MCOLN1: variants seen among roughly 807,000 people sequenced by gnomAD.
MCOLN1 encodes the protein mucolipin TRP cation channel 1, also known as mucolipin-1.
Under a neutral mutation model 70.3 loss-of-function variants are expected in MCOLN1, and 50 were observed. The ratio of observed to expected loss-of-function variants is 0.71; its 90% confidence interval spans 0.57 to 0.90. The LOEUF (loss-of-function observed/expected upper bound fraction) is 0.90, where lower values mean the gene tolerates loss of function less well. MCOLN1 is among the 40% of genes least tolerant of loss of function. The pLI, the probability that MCOLN1 is intolerant of heterozygous loss-of-function variation, is 0.00. For synonymous variants in MCOLN1, 366 were observed against 341.0 expected, an observed-to-expected ratio of 1.07 and a Z score of -0.81; for missense variants, 598 against 803.5, an observed-to-expected ratio of 0.74 and a Z score of 3.09.
At position 7,526,792 on chromosome 19, in the gene MCOLN1, G is replaced by C. The variant is rs147878118; in HGVS notation, c.437G>C (p.Arg146Pro). 2 of 1,614,026 alleles carry C rather than the reference G, an allele frequency of 1.2e-6. No homozygotes were observed. The highest frequency in any genetic ancestry group is 1.7e-6 in the Non-Finnish European group (2 of 1,180,040). The change falls in exon 4 of 14, where the codon CGG (arginine) becomes CCG (proline). Residue 146 changes from arginine to proline, a missense_variant. Physicochemically the swap from Arg to Pro is moderately radical, Grantham distance 103 (BLOSUM62 -2). Transcript: ENST00000264079. The surrounding 1 kb of genome is among the most constrained non-coding windows in gnomAD (Gnocchi z 4.6). ...YLALPDVSLGRYAYVRGGGDP... is the reference protein window; with the variant it reads ...YLALPDVSLGPYAYVRGGGDP... ...GCGTTGCCTGACGTGTCACTGGGCC[G>C]GTATGCGTATGTCCGTGGTGGGGGT...
Position 7,529,601 on chromosome 19 carries a change from C to T in MCOLN1, c.1248C>T (p.Ala416=). 1 of 1,613,946 alleles carries T rather than the reference C, an allele frequency of 6.2e-7. No homozygotes were observed. The highest frequency in any genetic ancestry group is 8.5e-7 in the Non-Finnish European group (1 of 1,179,936). Residue 416 remains alanine (A), a synonymous_variant, in exon 11 of 14, where the codon GCC becomes GCT. Transcript: ENST00000264079. ...TFFHNYNILI[A]TLRVALPSVM... is the part of the protein sequence containing the mutation. ...CTGCCCCAACCCAGATCCTCATCGC[C>T]ACACTGCGGGTGGCCCTGCCCAGCG...
chr19:7,523,040 G>A (rs1396314882), intron 1 of MCOLN1, among the ~76,000 whole-genome samples: 1 of 152,180 alleles, frequency 6.6e-6, no homozygotes. Context: ...TCTCCCTCTG[G>A]GGCGGCGAGG....
chr19:7,533,858 C>A lies in MCOLN1; in HGVS notation c.*63C>A. ...GCAGAGACCCCCGCCCCCGACCCCG[C>A]TTATTTATTTGTAGGGTTTGCTTTT... is the stretch of plus-strand genomic sequence containing the variant. On this transcript the variant is annotated 3_prime_UTR_variant, in exon 14 of 14. Coordinates refer to ENST00000264079, the MANE Select transcript of MCOLN1 (RefSeq NM_020533.3). The A allele has an allele frequency of 6.3e-7, 1 of 1,591,388 alleles. No homozygotes were observed. The highest frequency in any genetic ancestry group is 8.6e-7 in the Non-Finnish European group (1 of 1,161,314).
intron 1 of MCOLN1, among the ~76,000 whole-genome samples, chr19:7,523,317 T>A (rs1274109742): frequency 6.6e-6 from 1 of 152,206 alleles, no homozygotes; most frequent in Non-Finnish European, 1.5e-5. Context: ...ATGCCACCCC[T>A]CCTCGGGGAG....
In MCOLN1 at chr19:7,533,510, C is replaced by T. The variant is rs540456257; in HGVS notation, c.1576-13C>T. On this transcript the variant is annotated splice_polypyrimidine_tract_variant and intron_variant, in intron 12 of 13. Transcript: ENST00000264079. ...GCCACTTTCAGGCTGAGCCTCCCGG[C>T]TTCTCTCCCCAGCATCCCGGCGGCG... 2.5e-6 allele frequency: 4 copies of T among 1,610,500 alleles called. No homozygotes were observed. The highest frequency in any genetic ancestry group is 2.5e-6 in the Non-Finnish European group (3 of 1,179,564).
intron 12 of MCOLN1, among the ~76,000 whole-genome samples, chr19:7,532,364 A>G (rs1340178804): frequency 2.6e-5 from 4 of 152,268 alleles, no homozygotes; most frequent in Admixed American, 2.0e-4. Context: ...GAGCTTCTAG[A>G]ATGTTCTATC....
rs760968412 is a variant in MCOLN1 at position 7,527,590 on chromosome 19, C to A, written c.642C>A (p.Ser214Arg). Residue 214 changes from serine to arginine, a missense_variant, in exon 5 of 14, where the codon AGC becomes AGA. By Grantham distance (110) the Ser-to-Arg change is moderately radical (BLOSUM62 -1). This residue lies in a region of MCOLN1 where 461 missense variants were observed against 588.4 expected (regional missense o/e 0.78). Transcript: ENST00000264079. ...GCGACGATCTCACCCTCTTGGAAAG[C>A]AGCTCCAGTTACAAGAACCTCACGC... ...PPSDDLTLLE[S>R]SSSYKNLTLK... The A allele has an allele frequency of 6.2e-7, 1 of 1,613,488 alleles. No homozygotes were observed. The highest frequency in any genetic ancestry group is 2.2e-5 in the East Asian group (1 of 44,870).
Position 7,533,631 on chromosome 19 carries a change from A to C in MCOLN1, c.1684A>C (p.Ser562Arg), listed in dbSNP as rs1357192441. The change falls in exon 13 of 14, where the codon AGC (serine) becomes CGC (arginine). Residue 562 changes from serine to arginine, a missense_variant. Ser to Arg is a moderately radical substitution (Grantham distance 110, BLOSUM62 -1). Around this residue, in one of 3 missense-constraint regions of MCOLN1, gnomAD observed 59 missense variants for 58.8 expected, o/e 1.00. Transcript: ENST00000264079. ...CCGCCGCGGGAGCGGCTCGGCCTGC[A>C]GCCTTCTCTGCTGCTGCGGAAGGTT... ...KFRRGSGSAC[S>R]LLCCCGRDPS... 6.2e-7 allele frequency: 1 copy of C among 1,612,654 alleles called. No individual in the cohort carries two copies. The highest frequency in any genetic ancestry group is 1.1e-5 in the South Asian group (1 of 91,014).
In MCOLN1 at chr19:7,524,943, C is replaced by T. The variant is rs1479059343; in HGVS notation, c.32-18C>T. On this transcript the variant is annotated intron_variant, in intron 1 of 13. Transcript: ENST00000264079. This position sits in a 1 kb window ranked among gnomAD's most constrained non-coding sequence, Gnocchi z 4.1. ...AGTTGCCCAGGCCTCACCCCAGTGCCCTCTCCTATTCCCACAGAGACCGAG... is the reference window on the plus strand; with the variant it reads ...AGTTGCCCAGGCCTCACCCCAGTGCTCTCTCCTATTCCCACAGAGACCGAG... The T allele has an allele frequency of 1.9e-6, 3 of 1,609,996 alleles. No individual in the cohort carries two copies. The South Asian group carries it at 3.3e-5, about 18-fold the overall frequency.
chr19:7,525,019 G>C lies in MCOLN1; in HGVS notation c.90G>C (p.Pro30=), dbSNP rs773313990. Residue 30 remains proline, a synonymous_variant, in exon 2 of 14, where the codon CCG becomes CCC. Coordinates refer to ENST00000264079, the MANE Select transcript of MCOLN1 (RefSeq NM_020533.3). The surrounding 1 kb of genome is among the most constrained non-coding windows in gnomAD (Gnocchi z 4.2). ...ATGGGACCCAGGCGGGGCCTTCACCGGCCCCTCCGACACCCCCAGAAGAGG... is the reference window on the plus strand; with the variant it reads ...ATGGGACCCAGGCGGGGCCTTCACCCGCCCCTCCGACACCCCCAGAAGAGG... ...PGYGTQAGPS[P]APPTPPEEED... is the part of the protein sequence containing the mutation. 6.2e-7 allele frequency: 1 copy of C among 1,613,520 alleles called. No homozygotes were observed.
At chr19:7,527,654 C>G in intron 5 of MCOLN1, 26 bp downstream of exon 5, 2 of 1,520,854 alleles carry the variant, frequency 1.3e-6, no homozygotes, top group Non-Finnish European at 1.8e-6. Flanking sequence ...TCGAGGGGGG[C>G]CCAGGGTGGG....
chr19:7,523,270 C>G (rs945492908), intron 1 of MCOLN1, among the ~76,000 whole-genome samples: 5 of 152,246 alleles, frequency 3.3e-5, no homozygotes, highest in African/African-American at 1.2e-4. Context: ...CCGCTGGAAG[C>G]GCAGCCTTCT....
Position 7,529,717 on chromosome 19 carries a change from A to G in MCOLN1, c.1359+5A>G. On this transcript the variant is annotated splice_donor_5th_base_variant and intron_variant, in intron 11 of 13. Transcript: ENST00000264079. The stretch of plus-strand genomic sequence containing the variant: ...CTGGGGCCCTATCATGTGAAGGTAC[A>G]TCTAACCCCTGATGTCCCTGACATT... 6.2e-7 allele frequency: 1 copy of G among 1,613,930 alleles called. No individual in the cohort carries two copies. The highest frequency in any genetic ancestry group is 1.3e-5 in the African/African-American group (1 of 75,004).
At position 7,533,903 on chromosome 19, in the gene MCOLN1, C is replaced by T; in HGVS notation, c.*108C>T. On this transcript the variant is annotated 3_prime_UTR_variant, in exon 14 of 14. Coordinates refer to ENST00000264079, the MANE Select transcript of MCOLN1 (RefSeq NM_020533.3). ...GCTTTTAAGGATCGGCTCCCTGTCGCGCCCGAGGAGGGCCTGGACCTTTCG... is the reference window on the plus strand; with the variant it reads ...GCTTTTAAGGATCGGCTCCCTGTCGTGCCCGAGGAGGGCCTGGACCTTTCG... 5.0e-6 allele frequency: 7 copies of T among 1,388,318 alleles called. No homozygotes were observed. The highest frequency in any genetic ancestry group is 7.0e-6 in the Non-Finnish European group (7 of 997,264). The allele number at this position is 1,388,318 out of a possible 1,614,324, so 86.0% of individuals were successfully genotyped here. A position where few individuals can be genotyped will look rare whatever the true frequency, so the allele number is the denominator to read the frequency against.
chr19:7,533,627 C>G lies in MCOLN1; in HGVS notation c.1680C>G (p.Ala560=), dbSNP rs747365638. ...AGTTCCGCCGCGGGAGCGGCTCGGC[C>G]TGCAGCCTTCTCTGCTGCTGCGGAA... ...SGKFRRGSGS[A]CSLLCCCGRD... Residue 560 remains alanine, a synonymous_variant, in exon 13 of 14, where the codon GCC becomes GCG. Coordinates refer to ENST00000264079, the MANE Select transcript of MCOLN1 (RefSeq NM_020533.3). 16 of 1,612,484 alleles carry G rather than the reference C, an allele frequency of 9.9e-6. 1 individual carries two copies. The South Asian group carries it at 1.8e-4, about 18-fold the overall frequency.
In MCOLN1 at chr19:7,533,844, C is replaced by A. The variant is rs764159698; in HGVS notation, c.*49C>A. 8.5e-5 allele frequency: 131 copies of A among 1,547,870 alleles called. No individual in the cohort carries two copies. Among genetic ancestry groups the A allele is most frequent in the Non-Finnish European group, 1.2e-4 (129 of 1,120,276 alleles). On this transcript the variant is annotated 3_prime_UTR_variant, in exon 14 of 14. Coordinates refer to ENST00000264079, the MANE Select transcript of MCOLN1 (RefSeq NM_020533.3). Reference sequence around the variant, plus strand: ...GTAGGCCCTGGACTGCAGAGACCCCCGCCCCCGACCCCGCTTATTTATTTG... The same window carrying A: ...GTAGGCCCTGGACTGCAGAGACCCCAGCCCCCGACCCCGCTTATTTATTTG...
Position 7,534,003 on chromosome 19 carries a change from A to G in MCOLN1, c.*208A>G. 1 of 633,154 alleles carries G rather than the reference A, an allele frequency of 1.6e-6. No homozygotes were observed. Among genetic ancestry groups the G allele is most frequent in the Non-Finnish European group, 2.8e-6 (1 of 357,858 alleles). 39.2% of individuals were successfully genotyped at this position (633,154 alleles called of 1,614,324 possible). On this transcript the variant is annotated 3_prime_UTR_variant, in exon 14 of 14. Transcript: ENST00000264079. ...AAGGGAAAATAAATGTGTCGTTTTC[A>G]TTTTTAGCGGGAGGAGCAGTCCTTG...
Position 7,530,472 on chromosome 19 carries a change from C to T in MCOLN1, c.1546C>T (p.Leu516Phe). Residue 516 changes from leucine to phenylalanine, a missense_variant, in exon 12 of 14, where the codon CTC becomes TTC. Physicochemically the swap from Leu to Phe is conservative, Grantham distance 22 (BLOSUM62 0). Around this residue, in one of 3 missense-constraint regions of MCOLN1, gnomAD observed 78 missense variants for 156.2 expected, o/e 0.50. Coordinates refer to ENST00000264079, the MANE Select transcript of MCOLN1 (RefSeq NM_020533.3). ...CATGGTGCTCAGCCTCTTCATCGCG[C>T]TCATCACCGGCGCCTACGACACCAT... ...IYMVLSLFIA[L>F]ITGAYDTIKH... The T allele has an allele frequency of 6.2e-7, 1 of 1,611,794 alleles. No homozygotes were observed. The highest frequency in any genetic ancestry group is 8.5e-7 in the Non-Finnish European group (1 of 1,180,024).
At position 7,522,665 on chromosome 19, in the gene MCOLN1, G is replaced by C. The variant is rs1214686096; in HGVS notation, c.-86G>C. 2.2e-6 allele frequency: 3 copies of C among 1,354,276 alleles called. No homozygotes were observed. Among genetic ancestry groups the C allele is most frequent in the Non-Finnish European group, 2.9e-6 (3 of 1,028,124 alleles). The allele number at this position is 1,354,276 out of a possible 1,614,324, so 83.9% of individuals were successfully genotyped here. ...CGGAGGGTTTGAAGCCGCGCCGCGA[G>C]GGAGCGAGGTCGCAGTGACAGCGGC... On this transcript the variant is annotated 5_prime_UTR_variant, in exon 1 of 14. Coordinates refer to ENST00000264079, the MANE Select transcript of MCOLN1 (RefSeq NM_020533.3).
Sources: allele counts gnomAD v4.1 joint callset (sites outside exome capture counted in the v4.1 genomes callset), GRCh38; gene constraint gnomAD v4.1.1; regional missense constraint gnomAD v4.1.1; non-coding constraint Gnocchi (gnomAD v3.1); transcripts MANE v1.5; gene names NCBI Gene and HGNC (gene_info 2026-07-23, HGNC 2026-07-21).